The following GSDMC variants were observed in gnomAD, a reference collection of about 807,000 sequenced individuals.
The protein encoded by GSDMC is gasdermin C.
In GSDMC, 59 loss-of-function variants were observed where a neutral mutation model predicts 58.0. The ratio of observed to expected loss-of-function variants is 1.02; its 90% CI spans 0.82 to 1.26. The LOEUF is 1.26. Among genes scored for constraint, GSDMC ranks in the 50% most tolerant of loss-of-function variants. GSDMC has a pLI of 0.00. For missense variants in GSDMC, 659 were observed against 598.5 expected, an observed-to-expected ratio of 1.10 and a Z score of -1.06; for synonymous variants, 241 against 220.2, an observed-to-expected ratio of 1.09 and a Z score of -0.83.
intron 6 of GSDMC, among the ~76,000 whole-genome samples, chr8:129,755,780 T>A (rs749722516): frequency 5.3e-5 from 8 of 151,968 alleles, no homozygotes; most frequent in Non-Finnish European, 1.0e-4. Flanking sequence ...GTTTATGCAA[T>A]CAATGTTAAG....
intron 6 of GSDMC, among the ~76,000 whole-genome samples, chr8:129,759,586 C>T (rs574356422): frequency 8.3e-4 from 126 of 152,200 alleles, no homozygotes; most frequent in Middle Eastern, 3.4e-3. Flanking sequence ...AGAAGACATA[C>T]GAATAGCAAA....
At chr8:129,753,038 T>A in intron 6 of GSDMC, among the ~76,000 whole-genome samples, 1 of 152,062 alleles carries the variant, frequency 6.6e-6, no homozygotes, top group East Asian at 1.9e-4. Flanking sequence ...AGCTCTGGAG[T>A]CCTAGGTAAA....
chr8:129,711,903 G>A, the GSDMC span, among the ~76,000 whole-genome samples: 11 of 152,224 alleles, frequency 7.2e-5, no homozygotes, highest in African/African-American at 9.6e-5. Context: ...TTGGGATTTC[G>A]ATCCAGGTAG....
chr8:129,711,029 A>T, the GSDMC span, among the ~76,000 whole-genome samples: 2 of 152,212 alleles, frequency 1.3e-5, no homozygotes, highest in African/African-American at 4.8e-5. Flanking sequence ...GGGAAGGTCT[A>T]GGACGGATGC....
At chr8:129,724,923 G>T in the GSDMC span, among the ~76,000 whole-genome samples, 17 of 152,150 alleles carry the variant, frequency 1.1e-4, no homozygotes, top group African/African-American at 4.1e-4. Context: ...TTGCAAGGTG[G>T]CACAGAGGGA....
the GSDMC span, among the ~76,000 whole-genome samples, chr8:129,713,745 T>G: frequency 2.6e-5 from 4 of 151,930 alleles, no homozygotes; most frequent in African/African-American, 9.7e-5. Context: ...CATCCCCCAA[T>G]AAAAGAGTGA....
chr8:129,751,400 T>A (rs2033184057), intron 10 of GSDMC, 142 bp downstream of exon 10: 1 of 687,410 alleles, frequency 1.5e-6, no homozygotes, highest in Admixed American at 2.5e-5. Context: ...AAGTCCTCAA[T>A]AAATGTTTGT....
rs144569189 is a variant in GSDMC at position 129,762,934 on chromosome 8, C to T, written c.571-203G>A. Among the ~76,000 whole-genome samples the T allele has an allele frequency of 3.6e-4, 55 of 152,190 alleles. No homozygotes were observed. In the South Asian group the frequency reaches 7.5e-3, roughly 21 times the overall value. On this transcript the variant is annotated intron_variant, in intron 4 of 13. Transcript: ENST00000276708. ...ATTTTTCAATTTCATGTTGATATTG[C>T]AATGTTTTTATTTCTTTCCAGATTT...
the GSDMC span, among the ~76,000 whole-genome samples, chr8:129,709,042 G>GT: frequency 6.6e-6 from 1 of 152,098 alleles, no homozygotes; most frequent in South Asian, 2.1e-4. Context: ...TTCCTTACAC[G>GT]TCCCCCTTCA....
rs753886861 is a variant in GSDMC at position 129,752,728 on chromosome 8, C to T, written c.814G>A (p.Ala272Thr). 1 of 1,614,024 alleles carries T rather than the reference C, an allele frequency of 6.2e-7. No homozygotes were observed. Among genetic ancestry groups the T allele is most frequent in the Non-Finnish European group, 8.5e-7 (1 of 1,180,016 alleles). ...FHTISPTLFN[A>T]SSNDMKLKPE... is the part of the protein sequence containing the mutation. ...TTTAACTTCATATCATTGGATGAGG[C>T]ATTGAAGAGGGTTGGAGAGATGGTA... Residue 272 changes from alanine (A) to threonine (T), a missense_variant, in exon 7 of 14, where the codon GCC becomes ACC. Transcript: ENST00000276708.
the GSDMC span, among the ~76,000 whole-genome samples, chr8:129,739,187 A>G: frequency 6.6e-6 from 1 of 152,200 alleles, no homozygotes; most frequent in African/African-American, 2.4e-5. Flanking sequence ...AAGGAACAAC[A>G]GGTGAGAATG....
In GSDMC at chr8:129,783,605, T is replaced by C. The variant is rs188445594; in HGVS notation, c.-5+2406A>G. On this transcript the variant is annotated intron_variant, in intron 1 of 13. Transcript: ENST00000276708. ...AAGAAACTGAAGAGGACACAAAAAA[T>C]GGAAAGATATTCCATGTTCATAGAT... Among the ~76,000 whole-genome samples the C allele has an allele frequency of 3.5e-4, 54 of 152,202 alleles. No homozygotes were observed. The South Asian group carries it at 7.2e-3, about 20-fold the overall frequency.
intron 4 of GSDMC, among the ~76,000 whole-genome samples, chr8:129,764,626 G>A (rs138263975): frequency 7.4e-4 from 113 of 152,316 alleles, no homozygotes; most frequent in Middle Eastern, 3.4e-3. Flanking sequence ...CTATGCAGAG[G>A]TGGGAAGGGA....
the GSDMC span, among the ~76,000 whole-genome samples, chr8:129,717,272 T>G: frequency 0.36 from 43,890 of 123,240 alleles, 8,673 homozygotes; most frequent in African/African-American, 0.64. Flanking sequence ...TTTTTTTTTT[T>G]ATTGGTAGGC....
At chr8:129,782,842 C>A (rs976345667) in intron 1 of GSDMC, among the ~76,000 whole-genome samples, 3 of 151,804 alleles carry the variant, frequency 2.0e-5, no homozygotes, top group African/African-American at 7.3e-5. Context: ...AGAGGGGATA[C>A]TTCCAAACTC....
chr8:129,776,348 G>C (rs2034227403), intron 2 of GSDMC, 63 bp from the exon 3 acceptor site: 2 of 1,291,178 alleles, frequency 1.5e-6, no homozygotes, highest in South Asian at 1.5e-5. Flanking sequence ...CAAAGGTTTA[G>C]CCAAGAACAG....
the GSDMC span, chr8:129,729,343 G>T: frequency 6.4e-6 from 3 of 468,244 alleles, no homozygotes; most frequent in African/African-American, 4.1e-5. Context: ...TAAGTTCTAG[G>T]GTACATGTGC....
At chr8:129,761,416 C>A (rs1038879472) in intron 5 of GSDMC, among the ~76,000 whole-genome samples, 1 of 152,194 alleles carries the variant, frequency 6.6e-6, no homozygotes, top group African/African-American at 2.4e-5. Flanking sequence ...ACTGGGTCCT[C>A]ACTTCCCCTC....
intron 1 of GSDMC, among the ~76,000 whole-genome samples, chr8:129,780,807 G>A (rs62524986): frequency 0.14 from 21,846 of 152,110 alleles, 1,629 homozygotes; most frequent in South Asian, 0.22. Flanking sequence ...AAGGCCAAAC[G>A]ATAAACCAAT....
Sources: gnomAD v4.1 joint callset for allele counts (sites outside exome capture counted in the v4.1 genomes callset) on GRCh38, gnomAD v4.1.1 for gene constraint, MANE v1.5 for transcripts, NCBI Gene and HGNC (gene_info 2026-07-23, HGNC 2026-07-21) for gene names.